The following ETV1 variants were observed in gnomAD, a reference collection of about 807,000 sequenced individuals.
ETV1 encodes ETS variant transcription factor 1.
Under a neutral mutation model 62.3 loss-of-function variants are expected in ETV1, and 27 were observed. That is an observed-to-expected ratio of 0.43 (90% CI 0.32 to 0.60). ETV1 has a LOEUF of 0.60. Among genes scored for constraint, ETV1 ranks in the 20% least tolerant of loss-of-function variants. The pLI, the probability that ETV1 is intolerant of heterozygous loss-of-function variation, is 0.06. For missense variants in ETV1, 605 were observed against 605.8 expected, an observed-to-expected ratio of 1.00 and a Z score of 0.01; for synonymous variants, 222 against 199.6, an observed-to-expected ratio of 1.11 and a Z score of -0.94.
At chr7:13,896,522 T>C (rs1306827791) in intron 13 of ETV1, among the ~76,000 whole-genome samples, 1 of 152,088 alleles carries the variant, frequency 6.6e-6, no homozygotes, top group Non-Finnish European at 1.5e-5. Flanking sequence ...ATATCTGAAA[T>C]GGTAGAAAAA....
At position 13,911,409 on chromosome 7, in the gene ETV1, G is replaced by T. The variant is rs569811205; in HGVS notation, c.803-102C>A. Reference sequence around the variant, plus strand: ...AGAGAAGATACAGAAACGGACACAGGTTCCAATGTGGGGAACATGTCAACA... The same window carrying T: ...AGAGAAGATACAGAAACGGACACAGTTTCCAATGTGGGGAACATGTCAACA... On this transcript the variant is annotated intron_variant, in intron 9 of 13. Coordinates refer to ENST00000430479, the MANE Select transcript of ETV1 (RefSeq NM_004956.5). The T allele has an allele frequency of 8.0e-4, 594 of 738,428 alleles. 5 individuals carry two copies. The African/African-American group carries it at 9.8e-3, about 12-fold the overall frequency. 45.7% of individuals were successfully genotyped at this position (738,428 alleles called of 1,614,324 possible).
chr7:13,922,693 T>C (rs1784987750), intron 9 of ETV1, among the ~76,000 whole-genome samples: 3 of 152,250 alleles, frequency 2.0e-5, no homozygotes, highest in African/African-American at 4.8e-5. Context: ...TGCTAGTTTA[T>C]GGTAAGCCTT....
chr7:13,967,180 C>T (rs923552858), intron 6 of ETV1, among the ~76,000 whole-genome samples: 1 of 151,990 alleles, frequency 6.6e-6, no homozygotes, highest in African/African-American at 2.4e-5. Context: ...AATGTGAATA[C>T]AAGATTCTGC....
At position 13,929,230 on chromosome 7, in the gene ETV1, C is replaced by T. The variant is rs563170495; in HGVS notation, c.802+2272G>A. Among the ~76,000 whole-genome samples the T allele has an allele frequency of 4.9e-4, 74 of 152,088 alleles. 1 individual carries two copies. The South Asian group carries it at 0.012, about 24-fold the overall frequency. ...GTTCTTAATTAGAGACACCAGTGGA[C>T]GATACAAAAGGTTCTAAACTGAAAC... On this transcript the variant is annotated intron_variant, in intron 9 of 13. Transcript: ENST00000430479.
chr7:13,908,982 C>CA (rs111572305), intron 11 of ETV1, among the ~76,000 whole-genome samples: 5,020 of 148,972 alleles, frequency 0.034, 114 homozygotes, highest in African/African-American at 0.056. Context: ...TCACCTTTGT[C>CA]AAAAAAAAAA....
chr7:13,949,177 T>C (rs1330122994), intron 6 of ETV1, among the ~76,000 whole-genome samples: 1 of 151,120 alleles, frequency 6.6e-6, no homozygotes, highest in African/African-American at 2.4e-5. Context: ...AAAAAAAAAA[T>C]CTCTGTAAAA....
intron 6 of ETV1, among the ~76,000 whole-genome samples, chr7:13,965,663 G>C (rs1410969812): frequency 6.6e-6 from 1 of 152,114 alleles, no homozygotes. Flanking sequence ...AGTTATTTCA[G>C]AGTATTTGTC....
At chr7:13,916,948 A>T (rs187310971) in intron 9 of ETV1, among the ~76,000 whole-genome samples, 2 of 152,174 alleles carry the variant, frequency 1.3e-5, no homozygotes, top group Admixed American at 1.3e-4. Context: ...AAAAAAAGTA[A>T]AAGTAAAGTA....
chr7:13,893,843 G>C lies in ETV1; in HGVS notation c.*2023C>G. 4.3e-6 allele frequency: 1 copy of C among 233,114 alleles called. No individual in the cohort carries two copies. Among genetic ancestry groups the C allele is most frequent in the Non-Finnish European group, 8.5e-6 (1 of 117,756 alleles). 14.4% of individuals were successfully genotyped at this position (233,114 alleles called of 1,614,324 possible). On this transcript the variant is annotated 3_prime_UTR_variant, in exon 14 of 14. Coordinates refer to ENST00000430479, the MANE Select transcript of ETV1 (RefSeq NM_004956.5). ...AAGCATAGTGGGGAGAAAAGGTTCT[G>C]ATTTTTAAGGCATAGTTTTCTTTTT...
intron 5 of ETV1, among the ~76,000 whole-genome samples, chr7:13,983,858 C>T (rs956573118): frequency 1.6e-4 from 25 of 151,700 alleles, no homozygotes; most frequent in African/African-American, 5.6e-4. Flanking sequence ...GAGGACTTTA[C>T]TGAACTGAAA....
intron 9 of ETV1, among the ~76,000 whole-genome samples, chr7:13,927,130 A>G (rs1029442642): frequency 2.0e-5 from 3 of 152,186 alleles, no homozygotes; most frequent in Non-Finnish European, 4.4e-5. Context: ...TTTGGATCAT[A>G]GATGCTGAGT....
chr7:13,913,854 T>A (rs1783825040), intron 9 of ETV1, among the ~76,000 whole-genome samples: 1 of 151,178 alleles, frequency 6.6e-6, no homozygotes, highest in Non-Finnish European at 1.5e-5. Context: ...CTCCAGTAGA[T>A]GCTTTAACTA....
In ETV1 at chr7:13,982,578, A is replaced by G. The variant is rs956243222; in HGVS notation, c.181+4060T>C. Reference sequence around the variant, plus strand: ...GGGAAGTCTTTCTCTCATATTTTAGATTATTTTCTAGCACATCAAAAAGAG... The same window carrying G: ...GGGAAGTCTTTCTCTCATATTTTAGGTTATTTTCTAGCACATCAAAAAGAG... On this transcript the variant is annotated intron_variant, in intron 5 of 13. Coordinates refer to ENST00000430479, the MANE Select transcript of ETV1 (RefSeq NM_004956.5). Among the ~76,000 whole-genome samples, 6 of 152,018 alleles carry G rather than the reference A, an allele frequency of 3.9e-5. No individual in the cohort carries two copies. The East Asian group carries it at 1.2e-3, about 29-fold the overall frequency.
chr7:13,942,061 TC>T (rs1372564568), intron 6 of ETV1, among the ~76,000 whole-genome samples: 1 of 140,620 alleles, frequency 7.1e-6, no homozygotes, highest in African/African-American at 2.7e-5. Flanking sequence ...TCTCACTCTT[TC>T]GCCCAGGCTG....
At chr7:13,904,759 G>A (rs1009729076) in intron 12 of ETV1, among the ~76,000 whole-genome samples, 2 of 151,898 alleles carry the variant, frequency 1.3e-5, no homozygotes, top group African/African-American at 4.8e-5. Context: ...TCCATGAGGT[G>A]AAGAGCACAC....
intron 9 of ETV1, among the ~76,000 whole-genome samples, chr7:13,926,032 G>A (rs1020782317): frequency 6.6e-6 from 1 of 151,960 alleles, no homozygotes; most frequent in South Asian, 2.1e-4. Context: ...GTTATGCCTT[G>A]CATACTTTTA....
At chr7:13,906,371 G>T in intron 12 of ETV1, 59 bp downstream of exon 12, 1 of 1,139,224 alleles carries the variant, frequency 8.8e-7, no homozygotes, top group Non-Finnish European at 1.2e-6. Context: ...AATCAAATGT[G>T]TCAGTTTCTT....
At position 13,988,032 on chromosome 7, in the gene ETV1, A is replaced by T; in HGVS notation, c.133+54T>A. 5 of 940,160 alleles carry T rather than the reference A, an allele frequency of 5.3e-6. No homozygotes were observed. In the South Asian group the frequency reaches 6.6e-5, roughly 12 times the overall value. 58.2% of individuals were successfully genotyped at this position (940,160 alleles called of 1,614,324 possible). A position where few individuals can be genotyped will look rare whatever the true frequency, so the allele number is the denominator to read the frequency against. On this transcript the variant is annotated intron_variant, in intron 4 of 13. Coordinates refer to ENST00000430479, the MANE Select transcript of ETV1 (RefSeq NM_004956.5). ...ACTGAAGTGCTCCTTTTCTTTTAGCAGGGTGGAGAGTGTAGGTAAAAAAAT... is the reference window on the plus strand; with the variant it reads ...ACTGAAGTGCTCCTTTTCTTTTAGCTGGGTGGAGAGTGTAGGTAAAAAAAT...
chr7:13,986,659 G>A lies in ETV1; in HGVS notation c.160C>T (p.Gln54Ter). ...EELFQDLSQLQETWLAEAQVP... is the reference protein window; with the variant it reads ...EELFQDLSQL ...TTACCTTCTGCAAGCCATGTTTCCTGTAATTGACTTAGATCTTGAAAGAGT... is the reference window on the plus strand; with the variant it reads ...TTACCTTCTGCAAGCCATGTTTCCTATAATTGACTTAGATCTTGAAAGAGT... Residue 54 changes from glutamine to a stop codon, truncating the protein, a stop_gained, in exon 5 of 14, where the codon CAG (glutamine) becomes TAG (stop). Coordinates refer to ENST00000430479, the MANE Select transcript of ETV1 (RefSeq NM_004956.5). LOFTEE classifies it high-confidence loss of function. 1 of 1,612,034 alleles carries A rather than the reference G, an allele frequency of 6.2e-7. No homozygotes were observed. Among genetic ancestry groups the A allele is most frequent in the Non-Finnish European group, 8.5e-7 (1 of 1,179,202 alleles).
Sources: allele counts gnomAD v4.1 joint callset (sites outside exome capture counted in the v4.1 genomes callset), GRCh38; gene constraint gnomAD v4.1.1; transcripts MANE v1.5; gene names NCBI Gene and HGNC (gene_info 2026-07-23, HGNC 2026-07-21).